Variants in SNX29 observed in about 807,000 individuals in gnomAD.
SNX29 encodes the protein sorting nexin-29.
SNX29 carries 78 observed loss-of-function variants against 102.1 expected under a neutral mutation model. The observed-to-expected ratio is 0.76, with a 90% CI of 0.64 to 0.92. The LOEUF is 0.92. Ranked by LOEUF, SNX29 falls within the 40% of genes least tolerant of loss-of-function variation. SNX29 has a pLI of 0.00. For missense variants in SNX29, 1,280 were observed against 1,061.7 expected (o/e 1.21, Z -2.86); for synonymous variants, 580 against 414.5 (o/e 1.40, Z -4.85).
intron 11 of SNX29, among the ~76,000 whole-genome samples, chr16:12,080,669 C>G (rs191609280): frequency 6.6e-6 from 1 of 151,666 alleles, no homozygotes; most frequent in Non-Finnish European, 1.5e-5. Context: ...CATGAGCCAC[C>G]GTGCCCGGCC....
At chr16:12,245,543 G>A (rs1054478427) in intron 14 of SNX29, among the ~76,000 whole-genome samples, 5 of 151,962 alleles carry the variant, frequency 3.3e-5, no homozygotes, top group South Asian at 2.1e-4. Context: ...TGGGGCAGAA[G>A]TCTGTTAAAC....
In SNX29 at chr16:12,570,121, T is replaced by C. The variant is rs1437846715; in HGVS notation, c.*1492T>C. 2 of 1,034,302 alleles carry C rather than the reference T, an allele frequency of 1.9e-6. No homozygotes were observed. Among genetic ancestry groups the C allele is most frequent in the Non-Finnish European group, 2.3e-6 (2 of 851,388 alleles). The allele number at this position is 1,034,302 out of a possible 1,614,324, so 64.1% of individuals were successfully genotyped here. A position where few individuals can be genotyped will look rare whatever the true frequency, so the allele number is the denominator to read the frequency against. ...TCGTAGCAAAAAGGAAGATTGTTCA[T>C]GGCCTTTAAGGAAGGCTGAGATCAC... On this transcript the variant is annotated 3_prime_UTR_variant, in exon 21 of 21. Coordinates refer to ENST00000566228, the MANE Select transcript of SNX29 (RefSeq NM_032167.5).
chr16:12,542,986 T>C (rs550112312), intron 20 of SNX29, among the ~76,000 whole-genome samples: 1 of 151,994 alleles, frequency 6.6e-6, no homozygotes, highest in East Asian at 1.9e-4. Flanking sequence ...CTCCTGTAAC[T>C]ATGAAGTCCA....
At chr16:12,549,325 T>C (rs1272177632) in intron 20 of SNX29, among the ~76,000 whole-genome samples, 1 of 152,150 alleles carries the variant, frequency 6.6e-6, no homozygotes, top group African/African-American at 2.4e-5. Context: ...CAAAACCCCA[T>C]GTCTACCAAA....
chr16:11,987,957 T>C (rs1047376589), intron 1 of SNX29, among the ~76,000 whole-genome samples: 3 of 152,198 alleles, frequency 2.0e-5, no homozygotes, highest in African/African-American at 7.2e-5. Context: ...GGTGTGTACT[T>C]GATTTATCAT....
intron 14 of SNX29, among the ~76,000 whole-genome samples, chr16:12,259,731 G>A (rs907405510): frequency 4.6e-5 from 7 of 152,162 alleles, no homozygotes; most frequent in Admixed American, 6.5e-5. Context: ...CCTGGCCCTC[G>A]TCTCCGATCC....
At chr16:12,111,969 C>T (rs185210599) in intron 11 of SNX29, among the ~76,000 whole-genome samples, 23 of 152,246 alleles carry the variant, frequency 1.5e-4, no homozygotes, top group Admixed American at 2.6e-4. Context: ...CGGAGCAGGG[C>T]GTCCGCAGAC....
intron 13 of SNX29, among the ~76,000 whole-genome samples, chr16:12,190,854 A>G (rs1035006821): frequency 2.0e-5 from 3 of 152,122 alleles, no homozygotes; most frequent in African/African-American, 7.2e-5. Context: ...CCTTTCCAAG[A>G]TGACGCTGGG....
At chr16:12,240,447 G>A (rs1231889671) in intron 14 of SNX29, among the ~76,000 whole-genome samples, 1 of 151,882 alleles carries the variant, frequency 6.6e-6, no homozygotes, top group Non-Finnish European at 1.5e-5. Context: ...TTGACCATTT[G>A]TTGTTTTGTT....
At chr16:12,556,660 A>G (rs12148951) in intron 20 of SNX29, 16,859 of 152,226 alleles carry the variant, frequency 0.11, 1,118 homozygotes, top group Non-Finnish European at 0.14. Flanking sequence ...CAGCAGAGAC[A>G]GAAGTGGAAG....
chr16:12,154,365 G>A (rs1023387021), intron 13 of SNX29, among the ~76,000 whole-genome samples: 3 of 152,172 alleles, frequency 2.0e-5, no homozygotes, highest in Non-Finnish European at 4.4e-5. Flanking sequence ...AGTGGGAGCT[G>A]GCTTCCCTCT....
At chr16:12,450,113 C>T (rs968298134) in intron 18 of SNX29, among the ~76,000 whole-genome samples, 1 of 152,194 alleles carries the variant, frequency 6.6e-6, no homozygotes, top group Non-Finnish European at 1.5e-5. Context: ...GGTGGCTTTG[C>T]TCTTCCTTTG....
intron 10 of SNX29, among the ~76,000 whole-genome samples, chr16:12,074,800 A>G (rs967835835): frequency 2.0e-5 from 3 of 152,324 alleles, no homozygotes; most frequent in African/African-American, 7.2e-5. Flanking sequence ...TTTCAGGTAC[A>G]CCAATCAGAT....
intron 20 of SNX29, among the ~76,000 whole-genome samples, chr16:12,553,701 C>T (rs2141373867): frequency 6.6e-6 from 1 of 151,318 alleles, no homozygotes; most frequent in East Asian, 2.0e-4. Flanking sequence ...AACAATTCTG[C>T]CTCAGCCTAC....
chr16:12,558,114 G>T (rs1254850126), intron 20 of SNX29, among the ~76,000 whole-genome samples: 1 of 152,200 alleles, frequency 6.6e-6, no homozygotes, highest in Admixed American at 6.5e-5. Context: ...CTGAGAATTA[G>T]AAGACCAGCA....
intron 15 of SNX29, among the ~76,000 whole-genome samples, chr16:12,315,613 A>G (rs1370250313): frequency 6.6e-6 from 1 of 152,122 alleles, no homozygotes; most frequent in Non-Finnish European, 1.5e-5. Context: ...CACAAAAAAG[A>G]TGGTCATCTG....
chr16:12,072,661 A>G (rs2151313328), intron 10 of SNX29, among the ~76,000 whole-genome samples: 1 of 152,280 alleles, frequency 6.6e-6, no homozygotes, highest in Non-Finnish European at 1.5e-5. Flanking sequence ...CGGCTTTGGT[A>G]TCAAGATGAT....
intron 14 of SNX29, among the ~76,000 whole-genome samples, chr16:12,254,208 G>C (rs1359385911): frequency 6.6e-6 from 1 of 152,062 alleles, no homozygotes; most frequent in Non-Finnish European, 1.5e-5. Flanking sequence ...AGTATGCCGG[G>C]GCCCACAATA....
At chr16:12,325,959 G>A (rs1416914907) in intron 15 of SNX29, among the ~76,000 whole-genome samples, 1 of 151,994 alleles carries the variant, frequency 6.6e-6, no homozygotes, top group Non-Finnish European at 1.5e-5. Context: ...GAGCCCAGGA[G>A]GTCGAGGTTG....
Sources: gnomAD v4.1 joint callset for allele counts (sites outside exome capture counted in the v4.1 genomes callset) on GRCh38, gnomAD v4.1.1 for gene constraint, MANE v1.5 for transcripts, NCBI Gene and HGNC (gene_info 2026-07-23, HGNC 2026-07-21) for gene names.